EPSTI1: variants seen among roughly 807,000 people sequenced by gnomAD.
EPSTI1 encodes epithelial-stromal interaction protein 1.
EPSTI1 carries 66 observed loss-of-function variants against 49.9 expected under a neutral mutation model. The observed-to-expected ratio is 1.32, with a 90% confidence interval of 1.08 to 1.62. EPSTI1 has a LOEUF of 1.62. EPSTI1 is among the 40% of genes most tolerant of loss of function. EPSTI1 has a pLI of 0.00. For synonymous variants in EPSTI1, 137 were observed against 130.7 expected, an observed-to-expected ratio of 1.05 and a Z score of -0.33; for missense variants, 394 against 365.5, an observed-to-expected ratio of 1.08 and a Z score of -0.64.
chr13:42,991,566 T>G (rs1287803259), intron 1 of EPSTI1, among the ~76,000 whole-genome samples: 4 of 152,220 alleles, frequency 2.6e-5, no homozygotes, highest in Non-Finnish European at 5.9e-5. Flanking sequence ...ATAACAGGCT[T>G]GAGCCAACGC....
At chr13:42,963,389 C>T (rs762891681) in intron 4 of EPSTI1, 51 bp from the exon 5 acceptor site, 11 of 1,443,532 alleles carry the variant, frequency 7.6e-6, no homozygotes, top group Non-Finnish European at 8.7e-6. Context: ...ATTTTTCAGT[C>T]TGAACTCTGG....
chr13:42,932,895 G>A (rs1230142159), intron 6 of EPSTI1, among the ~76,000 whole-genome samples: 2 of 152,162 alleles, frequency 1.3e-5, no homozygotes, highest in Non-Finnish European at 2.9e-5. Context: ...TTTCTTGTTG[G>A]AAATTATAAC....
intron 5 of EPSTI1, among the ~76,000 whole-genome samples, chr13:42,960,247 G>A (rs1368945626): frequency 1.3e-5 from 2 of 152,148 alleles, no homozygotes; most frequent in Non-Finnish European, 2.9e-5. Context: ...GGAGTTAGAA[G>A]ATTTTCATAT....
intron 3 of EPSTI1, among the ~76,000 whole-genome samples, 155 bp downstream of exon 3, chr13:42,968,939 C>T (rs1369493571): frequency 3.8e-5 from 5 of 129,922 alleles, no homozygotes; most frequent in African/African-American, 1.2e-4. Context: ...CACACACACA[C>T]ACACACACAC....
intron 9 of EPSTI1, among the ~76,000 whole-genome samples, chr13:42,897,455 C>T (rs1344810482): frequency 6.6e-6 from 1 of 152,204 alleles, no homozygotes; most frequent in Non-Finnish European, 1.5e-5. Flanking sequence ...TTGCCCTATT[C>T]CCGGAGCCTA....
At chr13:42,962,129 A>G (rs1282465683) in intron 5 of EPSTI1, among the ~76,000 whole-genome samples, 1 of 152,216 alleles carries the variant, frequency 6.6e-6, no homozygotes, top group Non-Finnish European at 1.5e-5. Flanking sequence ...AGTGCAGGCC[A>G]ATCAGCCAGA....
intron 6 of EPSTI1, among the ~76,000 whole-genome samples, chr13:42,933,633 G>T (rs1181778348): frequency 6.6e-6 from 1 of 152,198 alleles, no homozygotes; most frequent in Non-Finnish European, 1.5e-5. Context: ...AGCCTTTGGT[G>T]CACCCAGGAG....
At chr13:42,987,816 G>A (rs1357567827) in intron 1 of EPSTI1, among the ~76,000 whole-genome samples, 1 of 152,080 alleles carries the variant, frequency 6.6e-6, no homozygotes, top group Non-Finnish European at 1.5e-5. Context: ...GTTCTTTTAA[G>A]CTAGAGATCC....
intron 1 of EPSTI1, among the ~76,000 whole-genome samples, chr13:42,987,344 T>C (rs778981291): frequency 6.6e-6 from 1 of 151,358 alleles, no homozygotes; most frequent in Non-Finnish European, 1.5e-5. Context: ...ACATATTTGA[T>C]GTCAGGAAAA....
chr13:42,911,244 A>AGAGTGT (rs1555259470), intron 8 of EPSTI1, among the ~76,000 whole-genome samples: 58 of 147,148 alleles, frequency 3.9e-4, no homozygotes, highest in Non-Finnish European at 6.3e-4. Flanking sequence ...AGAGAGAGAG[A>AGAGTGT]GTGTGTGTGT....
At chr13:42,960,307 A>T (rs1219496530) in intron 5 of EPSTI1, among the ~76,000 whole-genome samples, 1 of 152,200 alleles carries the variant, frequency 6.6e-6, no homozygotes, top group Non-Finnish European at 1.5e-5. Context: ...ATTATTATTT[A>T]TCATGTGATT....
At chr13:42,972,089 A>G (rs2039781409) in intron 1 of EPSTI1, among the ~76,000 whole-genome samples, 1 of 152,194 alleles carries the variant, frequency 6.6e-6, no homozygotes, top group African/African-American at 2.4e-5. Flanking sequence ...ATATGATGCA[A>G]TGGTGAGCCA....
At chr13:42,905,855 A>C (rs2037482967) in intron 8 of EPSTI1, among the ~76,000 whole-genome samples, 1 of 152,250 alleles carries the variant, frequency 6.6e-6, no homozygotes, top group Non-Finnish European at 1.5e-5. Flanking sequence ...ACAAGGAAGG[A>C]ATGCAAACAG....
At chr13:42,978,904 G>GA (rs2039932641) in intron 1 of EPSTI1, among the ~76,000 whole-genome samples, 1 of 152,026 alleles carries the variant, frequency 6.6e-6, no homozygotes, top group Non-Finnish European at 1.5e-5. Context: ...ATATCATTAA[G>GA]TTTTTTCTAA....
chr13:42,897,596 T>A (rs2037231137), intron 9 of EPSTI1, among the ~76,000 whole-genome samples: 1 of 152,186 alleles, frequency 6.6e-6, no homozygotes, highest in Non-Finnish European at 1.5e-5. Flanking sequence ...TCACTGGCAA[T>A]TGCTCTCAAT....
chr13:42,990,176 A>G (rs61950376), intron 1 of EPSTI1, among the ~76,000 whole-genome samples: 50 of 68,284 alleles, frequency 7.3e-4, no homozygotes, highest in Admixed American at 2.1e-3. Context: ...TCACATGAGG[A>G]AAAAAAAAAA....
chr13:42,986,741 T>C (rs1456361771), intron 1 of EPSTI1, among the ~76,000 whole-genome samples: 1 of 54,974 alleles, frequency 1.8e-5, no homozygotes, highest in Non-Finnish European at 3.4e-5. Flanking sequence ...CAAGATTCCA[T>C]CTCAAAAAAA....
In EPSTI1 at chr13:42,902,232, C is replaced by T. The variant is rs1380530767; in HGVS notation, c.742-1849G>A. Among the ~76,000 whole-genome samples the T allele has an allele frequency of 4.7e-5, 7 of 149,210 alleles. No homozygotes were observed. In the East Asian group the frequency reaches 1.2e-3, roughly 25 times the overall value. On this transcript the variant is annotated intron_variant, in intron 8 of 10. Transcript: ENST00000313624. ...CAGCCCCATCGTCATTCTCTTACAA[C>T]TTTTTTTTTTTTAACATTCAATGTG...
rs1010381306 is a variant in EPSTI1 at position 42,922,806 on chromosome 13, G to C, written c.657+3530C>G. 1.3e-5 allele frequency among the ~76,000 whole-genome samples: 2 copies of C among 152,220 alleles called. No homozygotes were observed. The highest frequency in any genetic ancestry group is 2.9e-5 in the Non-Finnish European group (2 of 68,042). ...ACTGAGTGCTCACAGTAGTGTGAGA[G>C]AGGAGAGCTGGAGAGGCATGAGCTA... On this transcript the variant is annotated intron_variant, in intron 7 of 10. Transcript: ENST00000313624. The surrounding 1 kb of genome is among the most constrained non-coding windows in gnomAD (Gnocchi z 4.8).
Sources: allele counts gnomAD v4.1 joint callset (sites outside exome capture counted in the v4.1 genomes callset), GRCh38; gene constraint gnomAD v4.1.1; non-coding constraint Gnocchi (gnomAD v3.1); transcripts MANE v1.5; gene names NCBI Gene and HGNC (gene_info 2026-07-23, HGNC 2026-07-21).